Variants in OIP5 observed in about 807,000 individuals in gnomAD.
The protein encoded by OIP5 is Opa interacting protein 5, also known as protein Mis18-beta.
OIP5 carries 24 observed loss-of-function variants against 20.3 expected under a neutral mutation model. That is an observed-to-expected ratio of 1.18 (90% CI 0.86 to 1.66). The LOEUF is 1.66. Ranked by LOEUF, OIP5 falls within the 40% of genes most tolerant of loss-of-function variation. The pLI is 0.00. For synonymous variants in OIP5, 143 were observed against 121.3 expected, an observed-to-expected ratio of 1.18 and a Z score of -1.17; for missense variants, 339 against 289.5, an observed-to-expected ratio of 1.17 and a Z score of -1.24.
Position 41,319,790 on chromosome 15 carries a change from G to A in OIP5, c.390-10C>T. On this transcript the variant is annotated splice_polypyrimidine_tract_variant and intron_variant, in intron 2 of 4. Transcript: ENST00000220514. Reference sequence around the variant, plus strand: ...TAAAAGGTTGTAAGTACTAGGGGTGGGGAAAAACACAATATGGGTAAGAAT... The same window carrying A: ...TAAAAGGTTGTAAGTACTAGGGGTGAGGAAAAACACAATATGGGTAAGAAT... 1.3e-6 allele frequency: 2 copies of A among 1,594,820 alleles called. No individual in the cohort carries two copies. Among genetic ancestry groups the A allele is most frequent in the African/African-American group, 1.4e-5 (1 of 73,788 alleles).
intron 3 of OIP5, among the ~76,000 whole-genome samples, chr15:41,317,683 T>G (rs1175528308): frequency 6.6e-6 from 1 of 151,776 alleles, no homozygotes; most frequent in Non-Finnish European, 1.5e-5. Flanking sequence ...CCCAGCACCG[T>G]TTTTGGTTTT....
At chr15:41,324,066 C>T (rs1356689962) in intron 2 of OIP5, among the ~76,000 whole-genome samples, 1 of 146,048 alleles carries the variant, frequency 6.8e-6, no homozygotes, top group Non-Finnish European at 1.5e-5. Context: ...ATCACAGCTC[C>T]ATTGCAGCCT....
At chr15:41,331,253 C>T (rs551358489) in intron 2 of OIP5, among the ~76,000 whole-genome samples, 2 of 152,192 alleles carry the variant, frequency 1.3e-5, no homozygotes, top group Non-Finnish European at 2.9e-5. Flanking sequence ...ACAGGCAGGT[C>T]GCAAAGTTTA....
Position 41,309,523 on chromosome 15 carries a change from A to C in OIP5, c.*231T>G. The C allele has an allele frequency of 2.8e-6, 1 of 362,850 alleles. No homozygotes were observed. Among genetic ancestry groups the C allele is most frequent in the Admixed American group, 4.5e-5 (1 of 22,344 alleles). The allele number at this position is 362,850 out of a possible 1,614,324, so 22.5% of individuals were successfully genotyped here. ...AGAGATAAGTATTATGAATTCAATA[A>C]GAATCTAAAGTAAGTTCTTAAGGCA... On this transcript the variant is annotated 3_prime_UTR_variant, in exon 5 of 5. Coordinates refer to ENST00000220514, the MANE Select transcript of OIP5 (RefSeq NM_007280.2).
chr15:41,320,637 C>T (rs2047817473), intron 2 of OIP5, among the ~76,000 whole-genome samples: 2 of 152,172 alleles, frequency 1.3e-5, no homozygotes, highest in Admixed American at 6.5e-5. Context: ...TCGCTACAAC[C>T]TCCACCTCCC....
chr15:41,328,958 C>T (rs370354978), intron 2 of OIP5, among the ~76,000 whole-genome samples: 13 of 144,718 alleles, frequency 9.0e-5, no homozygotes, highest in African/African-American at 2.8e-4. Flanking sequence ...CCCAGCTACT[C>T]GGGAGGCTGA....
At chr15:41,332,194 C>T (rs2047932634) in intron 1 of OIP5, 46 bp downstream of exon 1, 1 of 1,519,008 alleles carries the variant, frequency 6.6e-7, no homozygotes, top group Non-Finnish European at 8.8e-7. Context: ...CGGGAACACC[C>T]TCTCGGGCTA....
Position 41,332,537 on chromosome 15 carries a change from G to A in OIP5, c.25C>T (p.Arg9Cys), listed in dbSNP as rs568464492. 9.3e-6 allele frequency: 15 copies of A among 1,609,110 alleles called. No individual in the cohort carries two copies. The highest frequency in any genetic ancestry group is 8.0e-5 in the African/African-American group (6 of 74,860). The part of the protein sequence containing the change: MAAQPLRH[R>C]SRCATPPRGD... ...CGGGGCGGCGTTGCACAACGTGAGC[G>A]ATGCCGCAGCGGCTGAGCCGCCATC... Residue 9 changes from arginine to cysteine, a missense_variant, in exon 1 of 5, where the codon CGC becomes TGC. Transcript: ENST00000220514.
At chr15:41,331,284 T>A (rs1381850922) in intron 2 of OIP5, among the ~76,000 whole-genome samples, 2 of 152,240 alleles carry the variant, frequency 1.3e-5, no homozygotes, top group African/African-American at 4.8e-5. Context: ...TTCAAGTACA[T>A]AACATTCTAG....
chr15:41,328,676 T>C (rs910627199), intron 2 of OIP5, among the ~76,000 whole-genome samples: 1 of 152,182 alleles, frequency 6.6e-6, no homozygotes, highest in Non-Finnish European at 1.5e-5. Context: ...AATTGTAGAA[T>C]GTTTAAATAA....
intron 2 of OIP5, among the ~76,000 whole-genome samples, chr15:41,321,966 G>A (rs189195236): frequency 5.1e-4 from 78 of 151,606 alleles, no homozygotes; most frequent in African/African-American, 1.9e-3. Context: ...AAAAAAATGC[G>A]CAGACTAAAA....
intron 2 of OIP5, among the ~76,000 whole-genome samples, chr15:41,320,936 C>T (rs1186287904): frequency 6.6e-6 from 1 of 151,698 alleles, no homozygotes; most frequent in Non-Finnish European, 1.5e-5. Context: ...TGCCCTGCCG[C>T]CCCGTCTGGG....
intron 2 of OIP5, among the ~76,000 whole-genome samples, chr15:41,326,569 A>C (rs1466167137): frequency 6.6e-6 from 1 of 152,172 alleles, no homozygotes; most frequent in Non-Finnish European, 1.5e-5. Flanking sequence ...CTGGGATTAC[A>C]GGCGTGCACC....
chr15:41,312,786 G>C (rs1445417007), intron 4 of OIP5, among the ~76,000 whole-genome samples: 1 of 152,022 alleles, frequency 6.6e-6, no homozygotes, highest in Non-Finnish European at 1.5e-5. Flanking sequence ...GTGCCACCAC[G>C]CCCGGCTAAT....
chr15:41,325,588 C>T (rs1453144413), intron 2 of OIP5, among the ~76,000 whole-genome samples: 1 of 150,944 alleles, frequency 6.6e-6, no homozygotes, highest in Non-Finnish European at 1.5e-5. Context: ...CAGTGGCTCA[C>T]ACCCGTAATC....
rs1166517767 is a variant in OIP5 at position 41,329,063 on chromosome 15, C to CAAAA, written c.389+2848_389+2851dup. ...CCTGGGTCAGAGCAAGACTCCATCT[C>CAAAA]AAAAAAAAAAAAAAAAAAAAAAAAA... On this transcript the variant is annotated intron_variant, in intron 2 of 4. Transcript: ENST00000220514. 2.8e-4 allele frequency among the ~76,000 whole-genome samples: 14 copies of CAAAA among 50,358 alleles called. 2 individuals carry two copies. The highest frequency in any genetic ancestry group is 6.8e-4 in the African/African-American group (9 of 13,204). The allele number at this position is 50,358 out of a possible 152,430, so 33.0% of individuals were successfully genotyped here. A position where few individuals can be genotyped will look rare whatever the true frequency, so the allele number is the denominator to read the frequency against.
At chr15:41,312,356 TCTCCATGTTGG>T (rs2047761328) in intron 4 of OIP5, among the ~76,000 whole-genome samples, 1 of 151,140 alleles carries the variant, frequency 6.6e-6, no homozygotes, top group South Asian at 2.1e-4. Context: ...AGACAGGGTT[TCTCCATGTTGG>T]TCAGGCTGGT....
rs1332382513 is a variant in OIP5 at position 41,309,690 on chromosome 15, A to G, written c.*64T>C. The G allele has an allele frequency of 1.9e-6, 2 of 1,047,304 alleles. No homozygotes were observed. The highest frequency in any genetic ancestry group is 3.2e-5 in the African/African-American group (2 of 62,548). 64.9% of individuals were successfully genotyped at this position (1,047,304 alleles called of 1,614,324 possible). ...GCCAATCTTTTTCAAGAAATGACTA[A>G]GCAGCACCTGTTGTTGAAGACAGCA... On this transcript the variant is annotated 3_prime_UTR_variant, in exon 5 of 5. Coordinates refer to ENST00000220514, the MANE Select transcript of OIP5 (RefSeq NM_007280.2).
At chr15:41,329,473 G>A (rs900993304) in intron 2 of OIP5, among the ~76,000 whole-genome samples, 39 of 151,526 alleles carry the variant, frequency 2.6e-4, no homozygotes, top group African/African-American at 8.7e-4. Flanking sequence ...TTGCCACCTC[G>A]CCCCCCTAAT....
Sources: gnomAD v4.1 joint callset for allele counts (sites outside exome capture counted in the v4.1 genomes callset) on GRCh38, gnomAD v4.1.1 for gene constraint, MANE v1.5 for transcripts, NCBI Gene and HGNC (gene_info 2026-07-23, HGNC 2026-07-21) for gene names.